Variants in MAMDC4 observed in about 807,000 individuals in gnomAD.
MAMDC4 encodes the protein MAM domain containing 4, also known as apical endosomal glycoprotein.
In MAMDC4, 168 loss-of-function variants were observed where a neutral mutation model predicts 153.3. The observed-to-expected ratio is 1.10, with a 90% confidence interval of 0.97 to 1.25. MAMDC4 has a LOEUF of 1.25. Ranked by LOEUF, MAMDC4 falls within the 50% of genes most tolerant of loss-of-function variation. The probability of loss-of-function intolerance (pLI) is 0.00; values close to 1 mark genes in which losing one functional copy is unlikely to be tolerated. For synonymous variants in MAMDC4, 744 were observed against 651.5 expected, an observed-to-expected ratio of 1.14 and a Z score of -2.16; for missense variants, 1,701 against 1,542.8, an observed-to-expected ratio of 1.10 and a Z score of -1.72.
chr9:136,859,879 C>A lies in MAMDC4; in HGVS notation c.3194-7C>A, dbSNP rs1402901662. 6.2e-7 allele frequency: 1 copy of A among 1,611,208 alleles called. No individual in the cohort carries two copies. The highest frequency in any genetic ancestry group is 1.7e-5 in the Admixed American group (1 of 59,986). ...TTGGAGGGCTCACATGTCCCTATGG[C>A]CCACAGGGAACACAGCCGCACCCGG... is the stretch of plus-strand genomic sequence containing the variant. On this transcript the variant is annotated splice_polypyrimidine_tract_variant and splice_region_variant and intron_variant, in intron 25 of 26. Coordinates refer to ENST00000317446, the MANE Select transcript of MAMDC4 (RefSeq NM_206920.3).
Position 136,853,323 on chromosome 9 carries a change from G to A in MAMDC4, c.193G>A (p.Ala65Thr), listed in dbSNP as rs374816363. 13 of 1,604,156 alleles carry A rather than the reference G, an allele frequency of 8.1e-6. No individual in the cohort carries two copies. The highest frequency in any genetic ancestry group is 1.7e-4 in the Middle Eastern group (1 of 6,048). The change falls in exon 3 of 27, where the codon GCC (alanine) becomes ACC (threonine). Residue 65 changes from alanine (A) to threonine (T), a missense_variant. Ala to Thr is a moderately conservative substitution (Grantham distance 58). Coordinates refer to ENST00000317446, the MANE Select transcript of MAMDC4 (RefSeq NM_206920.3). ...GASPTLGAPF[A>T]CDFEQDPCGW... ...CTCGCCCACCCTGGGCGCCCCCTTC[G>A]CCTGTGACTTCGAGCAGGACCCCTG... is the stretch of plus-strand genomic sequence containing the variant.
intron 26 of MAMDC4, 87 bp from the exon 27 acceptor site, chr9:136,860,475 C>A (rs979027096): frequency 1.4e-6 from 2 of 1,400,226 alleles, no homozygotes; most frequent in Admixed American, 2.0e-5. Flanking sequence ...GAGCGAAGAT[C>A]GTGCCATTGC....
rs779388066 is a variant in MAMDC4, at chr9:136,853,606, G to A, written c.390G>A (p.Ser130=). The change falls in exon 4 of 27, where the codon TCG becomes TCA. Residue 130 remains serine (S), a synonymous_variant. Transcript: ENST00000317446. ...AGGCATCCACCGCAGCCCTGCGCTCGCCAACCCTGCGAGAGGCAGCCTCCT... is the reference window on the plus strand; with the variant it reads ...AGGCATCCACCGCAGCCCTGCGCTCACCAACCCTGCGAGAGGCAGCCTCCT... The part of the protein sequence containing the change: ...GKEASTAALR[S]PTLREAASSC... The A allele has an allele frequency of 4.5e-5, 72 of 1,611,080 alleles. No homozygotes were observed. The highest frequency in any genetic ancestry group is 4.5e-5 in the East Asian group (2 of 44,770).
intron 12 of MAMDC4, 21 bp from the exon 13 acceptor site, chr9:136,855,711 C>T: frequency 6.4e-7 from 1 of 1,573,876 alleles, no homozygotes; most frequent in Non-Finnish European, 8.6e-7. Flanking sequence ...CTCTGCCATT[C>T]AGTGCCGGCT....
chr9:136,854,811 C>T lies in MAMDC4; in HGVS notation c.984C>T (p.Ser328=). The change falls in exon 9 of 27, where the codon TCC becomes TCT. Residue 328 remains serine (S), a synonymous_variant. Coordinates refer to ENST00000317446, the MANE Select transcript of MAMDC4 (RefSeq NM_206920.3). ...AGCCTGGCACCCCTGCTATACTCTC[C>T]AGCCCCGAATTCCAAGCCTCAGGCA... The part of the protein sequence containing the change: ...VAEPGTPAIL[S]SPEFQASGTS... 1.2e-6 allele frequency: 2 copies of T among 1,612,874 alleles called. No homozygotes were observed. The highest frequency in any genetic ancestry group is 1.3e-5 in the African/African-American group (1 of 75,040).
Position 136,853,190 on chromosome 9 carries a change from C to T in MAMDC4, c.135C>T (p.Cys45=). 1 of 1,612,820 alleles carries T rather than the reference C, an allele frequency of 6.2e-7. No individual in the cohort carries two copies. The highest frequency in any genetic ancestry group is 8.5e-7 in the Non-Finnish European group (1 of 1,179,954). ...VCNFVCDCRD[C]SDEAQCGYHG... is the part of the protein sequence containing the mutation. ...ACTTCGTGTGTGACTGCAGGGACTG[C>T]TCAGATGAGGCCCAGTGTGGTGAGC... Residue 45 remains cysteine (C), a synonymous_variant, in exon 2 of 27, where the codon TGC becomes TGT. Coordinates refer to ENST00000317446, the MANE Select transcript of MAMDC4 (RefSeq NM_206920.3).
At position 136,855,234 on chromosome 9, in the gene MAMDC4, CT is replaced by C. The variant is rs752793913; in HGVS notation, c.1198-19del. 2 of 1,581,372 alleles carry C rather than the reference CT, an allele frequency of 1.3e-6. No homozygotes were observed. The highest frequency in any genetic ancestry group is 1.2e-5 in the South Asian group (1 of 86,032). ...CAGGGGGAAATAGGCTGGGCACCCC[CT>C]GAGCCCCTCTGCCCTCAGATCCTCC... On this transcript the variant is annotated intron_variant, in intron 10 of 26. Transcript: ENST00000317446.
intron 26 of MAMDC4, 63 bp downstream of exon 26, chr9:136,860,127 G>A (rs1445189985): frequency 1.4e-6 from 2 of 1,472,162 alleles, no homozygotes; most frequent in Non-Finnish European, 1.8e-6. Context: ...CTGGAGGGCG[G>A]GCAGTGGCGG....
chr9:136,855,571 T>C lies in MAMDC4; in HGVS notation c.1423T>C (p.Cys475Arg). 6.3e-7 allele frequency: 1 copy of C among 1,591,678 alleles called. No homozygotes were observed. The highest frequency in any genetic ancestry group is 8.6e-7 in the Non-Finnish European group (1 of 1,169,442). The change falls in exon 12 of 27, where the codon TGT becomes CGT. Residue 475 changes from cysteine to arginine, a missense_variant. Transcript: ENST00000317446. Reference sequence around the variant, plus strand: ...CCTGTGTGTGCCCCCGGAACAACTGTGTGACTTCGAGGAGCAGTGCGCAGG... The same window carrying C: ...CCTGTGTGTGCCCCCGGAACAACTGCGTGACTTCGAGGAGCAGTGCGCAGG... ...GDLCVPPEQLCDFEEQCAGGE... is the reference protein window; with the variant it reads ...GDLCVPPEQLRDFEEQCAGGE...
Position 136,855,824 on chromosome 9 carries a change from CA to C in MAMDC4, c.1565del (p.Gln522ArgfsTer21), listed in dbSNP as rs1379632108. 1 of 1,527,664 alleles carries C rather than the reference CA, an allele frequency of 6.5e-7. No homozygotes were observed. Among genetic ancestry groups the C allele is most frequent in the Non-Finnish European group, 8.8e-7 (1 of 1,136,758 alleles). 94.6% of individuals were successfully genotyped at this position (1,527,664 alleles called of 1,614,324 possible). On this transcript the variant is annotated frameshift_variant, in exon 13 of 27. Coordinates refer to ENST00000317446, the MANE Select transcript of MAMDC4 (RefSeq NM_206920.3). LOFTEE classifies it high-confidence loss of function. The part of the protein sequence containing the change: ...QWRRVSAQES[Q>X]GSSAAAAGHF... ...GCGGCGTGTCTCAGCCCAGGAGAGC[CA>C]GGGGTCCAGTGCAGCTGCTGCTGGT... is the stretch of plus-strand genomic sequence containing the variant.
rs1848951053 is a variant in MAMDC4 at position 136,853,179 on chromosome 9, T to C, written c.124T>C (p.Cys42Arg). ...GGCCGTGTGCAACTTCGTGTGTGAC[T>C]GCAGGGACTGCTCAGATGAGGCCCA... is the stretch of plus-strand genomic sequence containing the variant. The part of the protein sequence containing the change: ...GQAVCNFVCD[C>R]RDCSDEAQCG... Residue 42 changes from cysteine to arginine, a missense_variant, in exon 2 of 27, where the codon TGC (cysteine) becomes CGC (arginine). By Grantham distance (180) the Cys-to-Arg change is radical. Coordinates refer to ENST00000317446, the MANE Select transcript of MAMDC4 (RefSeq NM_206920.3). 1.2e-6 allele frequency: 2 copies of C among 1,612,720 alleles called. No individual in the cohort carries two copies. Among genetic ancestry groups the C allele is most frequent in the Non-Finnish European group, 8.5e-7 (1 of 1,179,976 alleles).
chr9:136,852,584 A>G, intron 1 of MAMDC4, 122 bp downstream of exon 1: 2 of 1,299,486 alleles, frequency 1.5e-6, no homozygotes, highest in Admixed American at 1.7e-5. Context: ...GGAGGGTTGC[A>G]AGGTACTACC....
At position 136,857,494 on chromosome 9, in the gene MAMDC4, C is replaced by T. The variant is rs1849023626; in HGVS notation, c.2234C>T (p.Pro745Leu). 1.2e-6 allele frequency: 2 copies of T among 1,610,012 alleles called. No individual in the cohort carries two copies. Among genetic ancestry groups the T allele is most frequent in the Non-Finnish European group, 8.5e-7 (1 of 1,179,956 alleles). Residue 745 changes from proline (P) to leucine (L), a missense_variant, in exon 18 of 27, where the codon CCT becomes CTT. By Grantham distance (98) the Pro-to-Leu change is moderately conservative. Coordinates refer to ENST00000317446, the MANE Select transcript of MAMDC4 (RefSeq NM_206920.3). ...SFEDSDCGFS[P>L]GGQGLWRRQA... is the part of the protein sequence containing the mutation. ...GAGGACTCAGACTGCGGCTTCTCCC[C>T]TGGAGGCCAAGGTCTCTGGAGGCGG... is the stretch of plus-strand genomic sequence containing the variant.
rs1156346757 is a variant in MAMDC4, at chr9:136,858,436, G to A, written c.2711G>A (p.Ser904Asn). 5.0e-6 allele frequency: 8 copies of A among 1,605,510 alleles called. No individual in the cohort carries two copies. Among genetic ancestry groups the A allele is most frequent in the Non-Finnish European group, 5.9e-6 (7 of 1,179,744 alleles). The change falls in exon 22 of 27, where the codon AGC (serine) becomes AAC (asparagine). Residue 904 changes from serine (S) to asparagine (N), a missense_variant. Coordinates refer to ENST00000317446, the MANE Select transcript of MAMDC4 (RefSeq NM_206920.3). ...CDFESGLCGW[S>N]HLAWPGLGGY... The stretch of plus-strand genomic sequence containing the variant: ...TTTGAGTCTGGCCTGTGTGGCTGGA[G>A]CCACCTGGCCTGGCCCGGCCTGGGC...
chr9:136,856,773 A>G lies in MAMDC4; in HGVS notation c.1784A>G (p.His595Arg), dbSNP rs530111668. Reference sequence around the variant, plus strand: ...TACCCAGGCCACCTCTCAGACACACACTGGCGCTGGGTGGAGAGCCGCGGC... The same window carrying G: ...TACCCAGGCCACCTCTCAGACACACGCTGGCGCTGGGTGGAGAGCCGCGGC... ...SWYPGHLSDT[H>R]WRWVESRGPD... is the part of the protein sequence containing the mutation. Residue 595 changes from histidine (H) to arginine (R), a missense_variant, in exon 15 of 27, where the codon CAC becomes CGC. Coordinates refer to ENST00000317446, the MANE Select transcript of MAMDC4 (RefSeq NM_206920.3). 5.6e-6 allele frequency: 9 copies of G among 1,612,072 alleles called. No individual in the cohort carries two copies. Among genetic ancestry groups the G allele is most frequent in the Admixed American group, 1.7e-5 (1 of 59,868 alleles).
At position 136,860,701 on chromosome 9, in the gene MAMDC4, G is replaced by A. The variant is rs1343650464; in HGVS notation, c.*98G>A. The A allele has an allele frequency of 2.2e-6, 3 of 1,369,172 alleles. No homozygotes were observed. The highest frequency in any genetic ancestry group is 2.4e-5 in the South Asian group (2 of 84,616). 84.8% of individuals were successfully genotyped at this position (1,369,172 alleles called of 1,614,324 possible). ...ACCTGCCCCGCCCAGGCTGGGACAGGCTGCAGGTCTCAGGATATGCTGAGG... is the reference window on the plus strand; with the variant it reads ...ACCTGCCCCGCCCAGGCTGGGACAGACTGCAGGTCTCAGGATATGCTGAGG... On this transcript the variant is annotated 3_prime_UTR_variant, in exon 27 of 27. Transcript: ENST00000317446.
chr9:136,853,155 G>A lies in MAMDC4; in HGVS notation c.100G>A (p.Ala34Thr). Residue 34 changes from alanine (A) to threonine (T), a missense_variant, in exon 2 of 27, where the codon GCC (alanine) becomes ACC (threonine). Ala to Thr is a moderately conservative substitution (Grantham distance 58). Transcript: ENST00000317446. ...VPNHCRSPGQAVCNFVCDCRD... is the reference protein window; with the variant it reads ...VPNHCRSPGQTVCNFVCDCRD... ...CAACCACTGCAGGAGCCCTGGCCAG[G>A]CCGTGTGCAACTTCGTGTGTGACTG... 1.2e-6 allele frequency: 2 copies of A among 1,612,840 alleles called. No individual in the cohort carries two copies. The highest frequency in any genetic ancestry group is 1.7e-6 in the Non-Finnish European group (2 of 1,179,978).
chr9:136,856,344 A>G, intron 14 of MAMDC4, 195 bp downstream of exon 14: 3 of 1,003,952 alleles, frequency 3.0e-6, no homozygotes, highest in Non-Finnish European at 4.8e-6. Flanking sequence ...TGGAAGGTGG[A>G]CAAGGTCCTT....
At position 136,855,488 on chromosome 9, in the gene MAMDC4, T is replaced by C. The variant is rs1354323045; in HGVS notation, c.1340T>C (p.Leu447Pro). The change falls in exon 12 of 27, where the codon CTG becomes CCG. Residue 447 changes from leucine to proline, a missense_variant. Coordinates refer to ENST00000317446, the MANE Select transcript of MAMDC4 (RefSeq NM_206920.3). ...PGPRAPAPQPLPPSSRLQDSC... is the reference protein window; with the variant it reads ...PGPRAPAPQPPPPSSRLQDSC... ...CCCCGGGCCCCAGCCCCCCAGCCCC[T>C]GCCGCCCAGCTCGCGGCTCCAGGAT... The C allele has an allele frequency of 6.2e-7, 1 of 1,601,454 alleles. No individual in the cohort carries two copies. The highest frequency in any genetic ancestry group is 8.5e-7 in the Non-Finnish European group (1 of 1,174,438).
Sources: allele counts gnomAD v4.1 joint callset, GRCh38; gene constraint gnomAD v4.1.1; transcripts MANE v1.5; gene names NCBI Gene and HGNC (gene_info 2026-07-23, HGNC 2026-07-21).